GPR179: variants seen among roughly 807,000 people sequenced by gnomAD.
GPR179 encodes G protein-coupled receptor 179.
In GPR179, 52 loss-of-function variants were observed where a neutral mutation model predicts 70.8. That is an observed-to-expected ratio of 0.73 (90% CI 0.59 to 0.93). The LOEUF is 0.93. Ranked by LOEUF, GPR179 falls within the 40% of genes least tolerant of loss-of-function variation. The pLI is 0.00. For missense variants in GPR179, 2,734 were observed against 2,966.8 expected, an observed-to-expected ratio of 0.92 and a Z score of 1.82; for synonymous variants, 1,123 against 1,169.0, an observed-to-expected ratio of 0.96 and a Z score of 0.80.
chr17:38,341,470 C>G (rs1391012237), intron 1 of GPR179, among the ~76,000 whole-genome samples: 1 of 152,266 alleles, frequency 6.6e-6, no homozygotes, highest in African/African-American at 2.4e-5. Context: ...TGACCTGGCA[C>G]TGCCTGGACC....
At chr17:38,341,444 T>C (rs1327584180) in intron 1 of GPR179, among the ~76,000 whole-genome samples, 1 of 152,172 alleles carries the variant, frequency 6.6e-6, no homozygotes, top group Non-Finnish European at 1.5e-5. Flanking sequence ...AAAGGAGATA[T>C]GAAATAGAGG....
At position 38,327,780 on chromosome 17, in the gene GPR179, G is replaced by C. The variant is rs1367213069; in HGVS notation, c.5789C>G (p.Thr1930Ser). The C allele has an allele frequency of 6.2e-7, 1 of 1,614,008 alleles. No homozygotes were observed. The highest frequency in any genetic ancestry group is 8.5e-7 in the Non-Finnish European group (1 of 1,180,026). Reference protein sequence around the residue: ...PKTGSFPEHITQEKAPAADTE... With the variant: ...PKTGSFPEHISQEKAPAADTE... ...GTCTGCAGCTGGAGCTTTTTCTTGGGTTATGTGTTCTGGGAAGGAACCTGT... is the reference window on the plus strand; with the variant it reads ...GTCTGCAGCTGGAGCTTTTTCTTGGCTTATGTGTTCTGGGAAGGAACCTGT... Residue 1930 changes from threonine to serine, a missense_variant, in exon 11 of 11, where the codon ACC becomes AGC. Coordinates refer to ENST00000616987, the MANE Select transcript of GPR179 (RefSeq NM_001004334.4).
At chr17:38,339,875 C>T (rs2037435792) in intron 1 of GPR179, among the ~76,000 whole-genome samples, 1 of 152,126 alleles carries the variant, frequency 6.6e-6, no homozygotes, top group Non-Finnish European at 1.5e-5. Flanking sequence ...AGGAGCTGGT[C>T]ATAAAGAAAT....
rs777556160 is a variant in GPR179, at chr17:38,343,683, G to A, written c.107C>T (p.Pro36Leu). Residue 36 changes from proline to leucine, a missense_variant, in exon 1 of 11, where the codon CCC (proline) becomes CTC (leucine). Pro to Leu is a moderately conservative substitution (Grantham distance 98). Transcript: ENST00000616987. The surrounding 1 kb of genome is among the most constrained non-coding windows in gnomAD (Gnocchi z 4.2). ...TGGCTTGACTTGGGAAGACAGAGGG[G>A]GCAGAGAGCGGATGGGCCGTGGACC... ...LGGPRPIRSL[P>L]PLSSQVKPGS... 1 of 1,609,568 alleles carries A rather than the reference G, an allele frequency of 6.2e-7. No homozygotes were observed. The highest frequency in any genetic ancestry group is 2.2e-5 in the East Asian group (1 of 44,756).
rs201711255 is a variant in GPR179 at position 38,336,120 on chromosome 17, G to A, written c.1252C>T (p.Leu418=). Residue 418 remains leucine, a synonymous_variant, in exon 5 of 11, where the codon CTG becomes TTG. Transcript: ENST00000616987. ...NKRIWASGVV[L]LETVLFGFLL... ...AATCCAAAAAGGACAGTTTCCAGCA[G>A]GACCACTCCAGATGCCCAGATCCTC... 12 of 1,613,348 alleles carry A rather than the reference G, an allele frequency of 7.4e-6. No homozygotes were observed. The East Asian group carries it at 2.7e-4, about 36-fold the overall frequency.
Position 38,343,202 on chromosome 17 carries a change from G to A in GPR179, c.588C>T (p.Ala196=), listed in dbSNP as rs762939930. The A allele has an allele frequency of 8.1e-6, 13 of 1,614,090 alleles. No homozygotes were observed. Among genetic ancestry groups the A allele is most frequent in the Non-Finnish European group, 1.1e-5 (13 of 1,179,990 alleles). Residue 196 remains alanine (A), a synonymous_variant, in exon 1 of 11, where the codon GCC becomes GCT. Transcript: ENST00000616987. The surrounding 1 kb of genome is among the most constrained non-coding windows in gnomAD (Gnocchi z 4.2). ...CATTGGTCAACACTCGCTTCTTCAGGGCAGGGGTGTCCAGGTCCCCAGGAG... is the reference window on the plus strand; with the variant it reads ...CATTGGTCAACACTCGCTTCTTCAGAGCAGGGGTGTCCAGGTCCCCAGGAG... ...ENPPGDLDTP[A]LKKRVLTNDL...
chr17:38,328,330 C>T lies in GPR179; in HGVS notation c.5239G>A (p.Ala1747Thr). 6.2e-7 allele frequency: 1 copy of T among 1,614,082 alleles called. No homozygotes were observed. Among genetic ancestry groups the T allele is most frequent in the Non-Finnish European group, 8.5e-7 (1 of 1,180,032 alleles). The change falls in exon 11 of 11, where the codon GCT (alanine) becomes ACT (threonine). Residue 1747 changes from alanine (A) to threonine (T), a missense_variant. Physicochemically the swap from Ala to Thr is moderately conservative, Grantham distance 58. Coordinates refer to ENST00000616987, the MANE Select transcript of GPR179 (RefSeq NM_001004334.4). ...GTTGGCTTCTGTGGCTTCTCTGGAG[C>T]AGTAACAGCTCTCTCCCTGGGTCCA... ...DLGPRERAVTAPEKPQKPTPE... is the reference protein window; with the variant it reads ...DLGPRERAVTTPEKPQKPTPE...
rs1453330853 is a variant in GPR179, at chr17:38,327,651, T to C, written c.5918A>G (p.Asp1973Gly). 1 of 1,614,200 alleles carries C rather than the reference T, an allele frequency of 6.2e-7. No homozygotes were observed. Among genetic ancestry groups the C allele is most frequent in the Admixed American group, 1.7e-5 (1 of 60,028 alleles). Residue 1973 changes from aspartate (D) to glycine (G), a missense_variant, in exon 11 of 11, where the codon GAC becomes GGC. Transcript: ENST00000616987. The part of the protein sequence containing the change: ...TAPADSVSHL[D>G]RQRPDQPKAS... ...TTTAGGTTGGTCAGGGCGCTGTCTG[T>C]CTAGGTGAGAGACGGAATCTGCTGG...
Position 38,331,447 on chromosome 17 carries a change from G to A in GPR179, c.2122C>T (p.Arg708Ter), listed in dbSNP as rs755003656. ...CCCAGTCCCTGGCATGAGCTGCCTC[G>A]CTTCTTGGGCAGGTGGGGGTTGTTT... Reference protein sequence around the residue: ...AANNPHLPKKRGSSCQGLGRS... With the variant: ...AANNPHLPKK The change falls in exon 11 of 11, where the codon CGA (arginine) becomes TGA (stop). Residue 708 changes from arginine (R) to a stop codon, truncating the protein, a stop_gained. Transcript: ENST00000616987. LOFTEE classifies it low-confidence loss of function (END_TRUNC). 4.3e-6 allele frequency: 7 copies of A among 1,614,042 alleles called. No individual in the cohort carries two copies. Among genetic ancestry groups the A allele is most frequent in the Admixed American group, 1.7e-5 (1 of 59,992 alleles).
In GPR179 at chr17:38,331,424, C is replaced by T. The variant is rs1310412493; in HGVS notation, c.2145G>A (p.Leu715=). ...CCAGGTACCTCATGAAGGAGCGGCC[C>T]AGTCCCTGGCATGAGCTGCCTCGCT... The part of the protein sequence containing the change: ...PKKRGSSCQG[L]GRSFMRYLAE... The change falls in exon 11 of 11, where the codon CTG becomes CTA. Residue 715 remains leucine (L), a synonymous_variant. Transcript: ENST00000616987. The T allele has an allele frequency of 6.2e-7, 1 of 1,614,184 alleles. No individual in the cohort carries two copies. The highest frequency in any genetic ancestry group is 2.2e-5 in the East Asian group (1 of 44,876).
rs774479260 is a variant in GPR179, at chr17:38,334,883, G to A, written c.1646-41C>T. The A allele has an allele frequency of 2.5e-6, 4 of 1,607,014 alleles. No individual in the cohort carries two copies. The highest frequency in any genetic ancestry group is 3.4e-6 in the Non-Finnish European group (4 of 1,177,160). Reference sequence around the variant, plus strand: ...GAGGGAGAGAGCCGGCACCACCTCAGCAGCTGTCCCACCCCTTTCTCTGAA... The same window carrying A: ...GAGGGAGAGAGCCGGCACCACCTCAACAGCTGTCCCACCCCTTTCTCTGAA... On this transcript the variant is annotated intron_variant, in intron 7 of 10. Coordinates refer to ENST00000616987, the MANE Select transcript of GPR179 (RefSeq NM_001004334.4). This position sits in a 1 kb window ranked among gnomAD's most constrained non-coding sequence, Gnocchi z 4.7.
Position 38,343,272 on chromosome 17 carries a change from G to A in GPR179, c.518C>T (p.Thr173Ile), listed in dbSNP as rs757737139. 36 of 1,614,156 alleles carry A rather than the reference G, an allele frequency of 2.2e-5. No homozygotes were observed. Among genetic ancestry groups the A allele is most frequent in the Admixed American group, 3.3e-5 (2 of 60,024 alleles). ...GTTCCCAGACAAGTCCTGCAGGATG[G>A]TTTCCTCCCCAGTCCGGGTGGCCTG... is the stretch of plus-strand genomic sequence containing the variant. ...ALQATRTGEETILQDLSGNWV... is the reference protein window; with the variant it reads ...ALQATRTGEEIILQDLSGNWV... Residue 173 changes from threonine (T) to isoleucine (I), a missense_variant, in exon 1 of 11, where the codon ACC becomes ATC. Physicochemically the swap from Thr to Ile is moderately conservative, Grantham distance 89 (BLOSUM62 -1). Coordinates refer to ENST00000616987, the MANE Select transcript of GPR179 (RefSeq NM_001004334.4). The surrounding 1 kb of genome is among the most constrained non-coding windows in gnomAD (Gnocchi z 4.2).
At position 38,330,424 on chromosome 17, in the gene GPR179, C is replaced by T. The variant is rs188307315; in HGVS notation, c.3145G>A (p.Ala1049Thr). The change falls in exon 11 of 11, where the codon GCA becomes ACA. Residue 1049 changes from alanine (A) to threonine (T), a missense_variant. Physicochemically the swap from Ala to Thr is moderately conservative, Grantham distance 58 (BLOSUM62 0). Coordinates refer to ENST00000616987, the MANE Select transcript of GPR179 (RefSeq NM_001004334.4). ...TCCCTCTGGTGATGTGCATCCTCTG[C>T]GTCCATCTCATTCTCCCCAGCCCTG... is the stretch of plus-strand genomic sequence containing the variant. ...KSRAGENEMD[A>T]EDAHHQREAN... 1.3e-4 allele frequency: 200 copies of T among 1,596,160 alleles called. No individual in the cohort carries two copies. The highest frequency in any genetic ancestry group is 3.6e-4 in the Admixed American group (21 of 58,098).
At position 38,330,103 on chromosome 17, in the gene GPR179, G is replaced by A; in HGVS notation, c.3466C>T (p.Gln1156Ter). The change falls in exon 11 of 11, where the codon CAA (glutamine) becomes TAA (stop). Residue 1156 changes from glutamine to a stop codon, truncating the protein, a stop_gained. Transcript: ENST00000616987. LOFTEE classifies it low-confidence loss of function (END_TRUNC). ...ATCCTGCTGGTGTGAGCGTTCTGTT[G>A]GTTCTGGAGGGACTCCTTGTCATCG... The part of the protein sequence containing the change: ...PSDDKESLQN[Q>*]QNAHTSRMLQ... The A allele has an allele frequency of 6.2e-7, 1 of 1,611,626 alleles. No individual in the cohort carries two copies. Among genetic ancestry groups the A allele is most frequent in the Non-Finnish European group, 8.5e-7 (1 of 1,178,510 alleles).
chr17:38,338,749 C>A (rs1753735637), intron 2 of GPR179, among the ~76,000 whole-genome samples: 1 of 152,240 alleles, frequency 6.6e-6, no homozygotes, highest in Non-Finnish European at 1.5e-5. Flanking sequence ...AACAAGCATG[C>A]AGTGATTGTA....
rs1338750506 is a variant in GPR179, at chr17:38,328,072, G to T, written c.5497C>A (p.Gln1833Lys). The part of the protein sequence containing the change: ...SEGTTGKGLD[Q>K]KAGSESAEQR... The stretch of plus-strand genomic sequence containing the variant: ...TCTGCTGATTCACTCCCTGCCTTTT[G>T]GTCCAATCCCTTCCCAGTAGTTCCT... The change falls in exon 11 of 11, where the codon CAA becomes AAA. Residue 1833 changes from glutamine (Q) to lysine (K), a missense_variant. Gln to Lys is a moderately conservative substitution (Grantham distance 53, BLOSUM62 1). Coordinates refer to ENST00000616987, the MANE Select transcript of GPR179 (RefSeq NM_001004334.4). The T allele has an allele frequency of 2.5e-6, 4 of 1,613,856 alleles. No homozygotes were observed. The highest frequency in any genetic ancestry group is 3.4e-6 in the Non-Finnish European group (4 of 1,179,996).
rs2037340303 is a variant in GPR179 at position 38,330,249 on chromosome 17, A to G, written c.3320T>C (p.Val1107Ala). 1 of 1,589,688 alleles carries G rather than the reference A, an allele frequency of 6.3e-7. No individual in the cohort carries two copies. The highest frequency in any genetic ancestry group is 2.2e-5 in the East Asian group (1 of 44,484). ...GTTCTGCCCCTCGGGACTCTCCTCCACACTCTCCTTCTCTCTGTAGGTGCT... is the reference window on the plus strand; with the variant it reads ...GTTCTGCCCCTCGGGACTCTCCTCCGCACTCTCCTTCTCTCTGTAGGTGCT... ...SRSTYREKES[V>A]EESPEGQNSG... The change falls in exon 11 of 11, where the codon GTG becomes GCG. Residue 1107 changes from valine (V) to alanine (A), a missense_variant. Transcript: ENST00000616987.
chr17:38,330,608 G>A lies in GPR179; in HGVS notation c.2961C>T (p.Asn987=). The A allele has an allele frequency of 1.3e-6, 2 of 1,578,990 alleles. No homozygotes were observed. The highest frequency in any genetic ancestry group is 1.2e-5 in the South Asian group (1 of 84,874). Reference sequence around the variant, plus strand: ...CCCAGGGGCAGATGTAGGTGAGTAAGTTGGGGCTTTGTGGGGATACTGGGA... The same window carrying A: ...CCCAGGGGCAGATGTAGGTGAGTAAATTGGGGCTTTGTGGGGATACTGGGA... ...APVPVSPQSP[N]LLTYICPWEN... The change falls in exon 11 of 11, where the codon AAC becomes AAT. Residue 987 remains asparagine (N), a synonymous_variant. Transcript: ENST00000616987.
Position 38,327,073 on chromosome 17 carries a change from C to G in GPR179, c.6496G>C (p.Glu2166Gln). The change falls in exon 11 of 11, where the codon GAA (glutamate) becomes CAA (glutamine). Residue 2166 changes from glutamate (E) to glutamine (Q), a missense_variant. Transcript: ENST00000616987. ...FLQKAGPGGT[E>Q]EHFSKAAAKP... ...GCTGCTGCTTTTGAGAAGTGTTCTT[C>G]CGTCCCTCCAGGTCCTGCCTTCTGA... The G allele has an allele frequency of 1.2e-6, 2 of 1,614,210 alleles. No individual in the cohort carries two copies. Among genetic ancestry groups the G allele is most frequent in the Non-Finnish European group, 1.7e-6 (2 of 1,180,036 alleles).
Sources: allele counts gnomAD v4.1 joint callset (sites outside exome capture counted in the v4.1 genomes callset), GRCh38; gene constraint gnomAD v4.1.1; non-coding constraint Gnocchi (gnomAD v3.1); transcripts MANE v1.5; gene names NCBI Gene and HGNC (gene_info 2026-07-23, HGNC 2026-07-21).